RPS6KA2: variants seen among roughly 807,000 people sequenced by gnomAD.
RPS6KA2 encodes ribosomal protein S6 kinase alpha-2.
RPS6KA2 carries 42 observed loss-of-function variants against 91.8 expected under a neutral mutation model. The observed-to-expected ratio is 0.46, with a 90% confidence interval of 0.36 to 0.59. The LOEUF is 0.59. Ranked by LOEUF, RPS6KA2 falls within the 20% of genes least tolerant of loss-of-function variation. The probability of loss-of-function intolerance (pLI) is 0.00; values close to 1 mark genes in which losing one functional copy is unlikely to be tolerated. For missense variants in RPS6KA2, 798 were observed against 978.5 expected, an observed-to-expected ratio of 0.82 and a Z score of 2.46; for synonymous variants, 414 against 393.6, an observed-to-expected ratio of 1.05 and a Z score of -0.61.
At chr6:166,523,683 T>C (rs1782932131) in intron 3 of RPS6KA2, among the ~76,000 whole-genome samples, 1 of 152,184 alleles carries the variant, frequency 6.6e-6, no homozygotes, top group African/African-American at 2.4e-5. Flanking sequence ...CAAATGGGAA[T>C]CAAATGACAT....
chr6:166,707,623 T>C (rs986493252), intron 2 of RPS6KA2, among the ~76,000 whole-genome samples: 3 of 152,132 alleles, frequency 2.0e-5, no homozygotes, highest in African/African-American at 7.2e-5. Context: ...TCCAGACAGG[T>C]GCACCTGGAT....
At position 166,412,791 on chromosome 6, in the gene RPS6KA2, T is replaced by G. The variant is rs1778355225; in HGVS notation, c.2173A>C (p.Met725Leu). ...AGCCGCGTGGACGTGAGTCTCTTCA[T>G]GCCTCTGCGCTGAGCCAGGTTGGAT... ...LSSNLAQRRGMKRLTSTRL is the reference protein window; with the variant it reads ...LSSNLAQRRGLKRLTSTRL Residue 725 changes from methionine to leucine, a missense_variant, in exon 21 of 21, where the codon ATG becomes CTG. Physicochemically the swap from Met to Leu is conservative, Grantham distance 15 (BLOSUM62 2). Transcript: ENST00000265678. This position sits in a 1 kb window ranked among gnomAD's most constrained non-coding sequence, Gnocchi z 4.3. 6.3e-7 allele frequency: 1 copy of G among 1,596,758 alleles called. No individual in the cohort carries two copies. Among genetic ancestry groups the G allele is most frequent in the African/African-American group, 1.3e-5 (1 of 74,806 alleles).
intron 2 of RPS6KA2, among the ~76,000 whole-genome samples, chr6:166,808,315 C>T (rs561901935): frequency 1.5e-4 from 23 of 152,304 alleles, no homozygotes; most frequent in African/African-American, 5.1e-4. Context: ...GGACCTGCAG[C>T]GTGGTCTGAA....
At chr6:166,512,948 A>C (rs1449485670) in intron 3 of RPS6KA2, among the ~76,000 whole-genome samples, 1 of 151,326 alleles carries the variant, frequency 6.6e-6, no homozygotes. Flanking sequence ...CTAACCCCAG[A>C]CCCTTGTCAT....
chr6:166,575,096 G>A (rs1784799256), intron 1 of RPS6KA2, among the ~76,000 whole-genome samples: 1 of 152,218 alleles, frequency 6.6e-6, no homozygotes, highest in Admixed American at 6.5e-5. Flanking sequence ...GATAGGCACA[G>A]CCACCAACAA....
intron 1 of RPS6KA2, among the ~76,000 whole-genome samples, chr6:166,597,842 A>T (rs1215533084): frequency 1.3e-5 from 2 of 152,136 alleles, no homozygotes; most frequent in East Asian, 3.9e-4. Flanking sequence ...GAGATGCTCT[A>T]GAGAGCAGGA....
chr6:166,692,598 A>G (rs1348291180), intron 2 of RPS6KA2, among the ~76,000 whole-genome samples: 1 of 152,164 alleles, frequency 6.6e-6, no homozygotes, highest in African/African-American at 2.4e-5. Context: ...AAAAAAACCT[A>G]CTCTAAGCTG....
At chr6:166,701,188 G>T in intron 2 of RPS6KA2, 1 of 1,612,104 alleles carries the variant, frequency 6.2e-7, no homozygotes, top group Non-Finnish European at 8.5e-7. Context: ...TTTTCTCTGG[G>T]CAACCTGGCA....
At chr6:166,854,484 T>C (rs954260366) in intron 2 of RPS6KA2, among the ~76,000 whole-genome samples, 4 of 91,386 alleles carry the variant, frequency 4.4e-5, no homozygotes, top group African/African-American at 7.7e-5. Context: ...CTCGCTCACC[T>C]TTTTATTCTT....
chr6:166,684,422 T>A (rs1043466059), intron 2 of RPS6KA2, among the ~76,000 whole-genome samples: 3 of 152,238 alleles, frequency 2.0e-5, no homozygotes, highest in African/African-American at 7.2e-5. Context: ...AGCAGGTAAC[T>A]CTGCTCTGCA....
At chr6:166,514,448 G>C (rs560795125) in intron 3 of RPS6KA2, among the ~76,000 whole-genome samples, 1 of 152,288 alleles carries the variant, frequency 6.6e-6, no homozygotes, top group African/African-American at 2.4e-5. Flanking sequence ...CCTTACAGGG[G>C]ACCCGGGAGC....
intron 1 of RPS6KA2, among the ~76,000 whole-genome samples, chr6:166,588,101 T>C (rs1785239934): frequency 6.6e-6 from 1 of 152,190 alleles, no homozygotes; most frequent in African/African-American, 2.4e-5. Flanking sequence ...GGGACCTTCG[T>C]TTTGCTCCCC....
intron 2 of RPS6KA2, among the ~76,000 whole-genome samples, chr6:166,647,799 CACAT>C (rs776228941): frequency 5.8e-4 from 72 of 125,194 alleles, no homozygotes; most frequent in African/African-American, 1.7e-3. Flanking sequence ...CATGCTTACA[CACAT>C]ACATACACAC....
chr6:166,516,208 C>T (rs1053303265), intron 3 of RPS6KA2, among the ~76,000 whole-genome samples: 9 of 152,210 alleles, frequency 5.9e-5, no homozygotes, highest in African/African-American at 2.2e-4. Flanking sequence ...TTGCCCACCT[C>T]TCCCCCGTTA....
At chr6:166,480,295 A>G (rs76467167) in intron 10 of RPS6KA2, among the ~76,000 whole-genome samples, 2,142 of 151,928 alleles carry the variant, frequency 0.014, 59 homozygotes, top group African/African-American at 0.048. Flanking sequence ...GACATGAAAT[A>G]TCACGAAGAA....
At chr6:166,670,876 A>G (rs912115153) in intron 2 of RPS6KA2, among the ~76,000 whole-genome samples, 1 of 152,298 alleles carries the variant, frequency 6.6e-6, no homozygotes, top group South Asian at 2.1e-4. Flanking sequence ...GCTGGAGTGC[A>G]ATGGCATGAG....
intron 2 of RPS6KA2, among the ~76,000 whole-genome samples, chr6:166,807,238 G>T (rs769643728): frequency 7.9e-5 from 12 of 152,100 alleles, no homozygotes; most frequent in Non-Finnish European, 1.3e-4. Context: ...TAGACATGTG[G>T]CTAAATTTAA....
chr6:166,508,263 C>A lies in RPS6KA2; in HGVS notation c.399G>T (p.Lys133Asn). The change falls in exon 5 of 21, where the codon AAG becomes AAT. Residue 133 changes from lysine (K) to asparagine (N), a missense_variant. Coordinates refer to ENST00000265678, the MANE Select transcript of RPS6KA2 (RefSeq NM_021135.6). The surrounding 1 kb of genome is among the most constrained non-coding windows in gnomAD (Gnocchi z 4.3). ...KLHYAFQTEG[K>N]LYLILDFLRG... ...GCAGGAAGTCCAGGATCAGGTAGAG[C>A]TTTCCTTCCGTCTGAAAGGCTGTGG... The A allele has an allele frequency of 6.2e-7, 1 of 1,613,352 alleles. No homozygotes were observed. Among genetic ancestry groups the A allele is most frequent in the South Asian group, 1.1e-5 (1 of 91,062 alleles).
chr6:166,593,529 G>A (rs568223680), intron 1 of RPS6KA2, among the ~76,000 whole-genome samples: 4 of 152,200 alleles, frequency 2.6e-5, no homozygotes, highest in South Asian at 2.1e-4. Flanking sequence ...GAATGGTATC[G>A]ATTTTTCTTA....
Sources: allele counts gnomAD v4.1 joint callset (sites outside exome capture counted in the v4.1 genomes callset), GRCh38; gene constraint gnomAD v4.1.1; non-coding constraint Gnocchi (gnomAD v3.1); transcripts MANE v1.5; gene names NCBI Gene and HGNC (gene_info 2026-07-23, HGNC 2026-07-21).